Variants in CNTN4 observed in about 807,000 individuals in gnomAD.
The protein encoded by CNTN4 is contactin-4.
In CNTN4, 77 loss-of-function variants were observed where a neutral mutation model predicts 122.5. That is an observed-to-expected ratio of 0.63 (90% CI 0.52 to 0.76). The LOEUF (loss-of-function observed/expected upper bound fraction) is 0.76, where lower values mean the gene tolerates loss of function less well. Among genes scored for constraint, CNTN4 ranks in the 30% least tolerant of loss-of-function variants. CNTN4 has a pLI of 0.00. For missense variants in CNTN4, 1,256 were observed against 1,259.1 expected, an observed-to-expected ratio of 1.00 and a Z score of 0.04; for synonymous variants, 512 against 447.0, an observed-to-expected ratio of 1.15 and a Z score of -1.83.
intron 3 of CNTN4, among the ~76,000 whole-genome samples, chr3:2,444,008 G>A (rs1272068312): frequency 6.6e-6 from 1 of 151,954 alleles, no homozygotes; most frequent in African/African-American, 2.4e-5. Flanking sequence ...CCTCTTCCTG[G>A]ATAGCCCCAG....
intron 4 of CNTN4, among the ~76,000 whole-genome samples, chr3:2,659,485 A>G (rs1359723701): frequency 7.6e-6 from 1 of 131,320 alleles, no homozygotes; most frequent in Non-Finnish European, 1.7e-5. Flanking sequence ...AAAAAAAAGA[A>G]GAAGAAGAAG....
At chr3:2,233,599 G>C (rs1012823682) in intron 2 of CNTN4, among the ~76,000 whole-genome samples, 2 of 152,090 alleles carry the variant, frequency 1.3e-5, no homozygotes, top group African/African-American at 4.8e-5. Flanking sequence ...AATCAAATCT[G>C]TTGAGAATCT....
At chr3:2,857,264 A>G (rs574471023) in intron 7 of CNTN4, among the ~76,000 whole-genome samples, 55 of 152,294 alleles carry the variant, frequency 3.6e-4, no homozygotes, top group African/African-American at 1.3e-3. Context: ...GAACTTTGAT[A>G]GTTGTCTCTT....
At chr3:2,732,880 G>A (rs148560734) in intron 4 of CNTN4, among the ~76,000 whole-genome samples, 7 of 152,024 alleles carry the variant, frequency 4.6e-5, no homozygotes, top group Non-Finnish European at 1.0e-4. Context: ...GATTTCCTTC[G>A]ATGAGAACTG....
intron 4 of CNTN4, among the ~76,000 whole-genome samples, chr3:2,707,075 G>C (rs2086785348): frequency 6.6e-6 from 1 of 151,982 alleles, no homozygotes; most frequent in South Asian, 2.1e-4. Context: ...CGAGGCAGGT[G>C]GATCGCTTGA....
intron 14 of CNTN4, among the ~76,000 whole-genome samples, chr3:3,011,811 G>A (rs975897882): frequency 2.0e-5 from 3 of 152,096 alleles, no homozygotes; most frequent in East Asian, 1.9e-4. Flanking sequence ...GTCTCTGCAT[G>A]TTTGGAGAAG....
intron 3 of CNTN4, among the ~76,000 whole-genome samples, chr3:2,382,861 G>A (rs2046078682): frequency 6.6e-6 from 1 of 152,124 alleles, no homozygotes; most frequent in African/African-American, 2.4e-5. Context: ...ATCACCTGAG[G>A]TCAGGAGTTC....
intron 7 of CNTN4, among the ~76,000 whole-genome samples, chr3:2,844,039 G>C (rs545304074): frequency 6.6e-6 from 1 of 152,232 alleles, no homozygotes; most frequent in South Asian, 2.1e-4. Flanking sequence ...CCATCCTTCT[G>C]TTCCATATAC....
At chr3:2,106,312 C>A (rs1384831041) in intron 2 of CNTN4, among the ~76,000 whole-genome samples, 2 of 152,222 alleles carry the variant, frequency 1.3e-5, no homozygotes, top group Non-Finnish European at 2.9e-5. Flanking sequence ...GAGCTCCAAC[C>A]CCCATTTCCC....
At chr3:2,862,410 C>T (rs1172894980) in intron 7 of CNTN4, among the ~76,000 whole-genome samples, 2 of 152,172 alleles carry the variant, frequency 1.3e-5, no homozygotes, top group African/African-American at 4.8e-5. Context: ...ATTAAGTGAG[C>T]TTCAGAGTTA....
chr3:2,520,510 G>A (rs979497544), intron 3 of CNTN4, among the ~76,000 whole-genome samples: 4 of 151,812 alleles, frequency 2.6e-5, no homozygotes, highest in African/African-American at 9.7e-5. Context: ...CTGACCTCTG[G>A]TGATCCACCT....
intron 10 of CNTN4, among the ~76,000 whole-genome samples, chr3:2,889,031 G>C (rs2094008596): frequency 6.6e-6 from 1 of 151,654 alleles, no homozygotes. Context: ...GGAAGGGAGG[G>C]AGGGAGGGAA....
chr3:3,009,609 A>T (rs1405309106), intron 14 of CNTN4, among the ~76,000 whole-genome samples: 1 of 151,384 alleles, frequency 6.6e-6, no homozygotes, highest in Non-Finnish European at 1.5e-5. Context: ...AATTTTTTGT[A>T]TTTTTAGTAG....
chr3:3,042,178 A>G (rs1700223147), intron 20 of CNTN4, 132 bp from the exon 21 acceptor site: 1 of 729,162 alleles, frequency 1.4e-6, no homozygotes, highest in African/African-American at 1.7e-5. Context: ...CCCTCTGCAA[A>G]ATGAGGGTTT....
intron 2 of CNTN4, among the ~76,000 whole-genome samples, chr3:2,136,163 A>C (rs1426567007): frequency 6.6e-6 from 1 of 152,200 alleles, no homozygotes; most frequent in African/African-American, 2.4e-5. Flanking sequence ...ATGTAATCCC[A>C]CGTTCTTGGT....
At chr3:2,299,018 C>CG (rs1553618753) in intron 2 of CNTN4, among the ~76,000 whole-genome samples, 9 of 152,210 alleles carry the variant, frequency 5.9e-5, no homozygotes, top group South Asian at 4.1e-4. Flanking sequence ...TTTCACCTGT[C>CG]GGGGGGTTTT....
chr3:2,489,946 A>G (rs1480315037), intron 3 of CNTN4, among the ~76,000 whole-genome samples: 1 of 152,184 alleles, frequency 6.6e-6, no homozygotes, highest in Non-Finnish European at 1.5e-5. Context: ...CTATTCTGCC[A>G]TTTTATATTT....
chr3:2,974,873 G>A (rs1487508724), intron 13 of CNTN4, among the ~76,000 whole-genome samples: 1 of 152,188 alleles, frequency 6.6e-6, no homozygotes, highest in African/African-American at 2.4e-5. Context: ...CATCACCAAA[G>A]AGTTGCAAAT....
intron 3 of CNTN4, among the ~76,000 whole-genome samples, chr3:2,516,847 T>C (rs1396852032): frequency 6.6e-6 from 1 of 151,972 alleles, no homozygotes; most frequent in Non-Finnish European, 1.5e-5. Flanking sequence ...CACAGGGGAC[T>C]AAAGGAGACA....
Sources: allele counts gnomAD v4.1 joint callset (sites outside exome capture counted in the v4.1 genomes callset), GRCh38; gene constraint gnomAD v4.1.1; transcripts MANE v1.5; gene names NCBI Gene and HGNC (gene_info 2026-07-23, HGNC 2026-07-21).